Variants in KAZN observed in about 807,000 individuals in gnomAD.
The protein encoded by KAZN is kazrin.
In KAZN, 40 loss-of-function variants were observed where a neutral mutation model predicts 87.4. That is an observed-to-expected ratio of 0.46 (90% CI 0.36 to 0.60). The LOEUF is 0.60. KAZN is among the 20% of genes least tolerant of loss of function. The pLI, the probability that KAZN is intolerant of heterozygous loss-of-function variation, is 0.00. For synonymous variants in KAZN, 466 were observed against 458.3 expected (o/e 1.02, Z -0.22); for missense variants, 898 against 1,073.9 (o/e 0.84, Z 2.29).
intron 1 of KAZN, among the ~76,000 whole-genome samples, chr1:13,918,495 T>C (rs551790716): frequency 6.6e-6 from 1 of 152,386 alleles, no homozygotes; most frequent in East Asian, 1.9e-4. Context: ...CTGATGAAGA[T>C]ACTGTGAACA....
intron 1 of KAZN, among the ~76,000 whole-genome samples, chr1:14,004,724 A>G (rs1282920055): frequency 6.7e-6 from 1 of 149,254 alleles, no homozygotes; most frequent in Non-Finnish European, 1.5e-5. Context: ...TATGGTTTGA[A>G]TGTCTCCTCC....
intron 2 of KAZN, among the ~76,000 whole-genome samples, chr1:14,503,104 A>T (rs1035903944): frequency 8.6e-5 from 13 of 152,040 alleles, no homozygotes; most frequent in Admixed American, 2.0e-4. Context: ...TGGCTCCTGC[A>T]CCCACCAGCT....
At chr1:14,656,781 A>T (rs76501253) in intron 1 of KAZN, among the ~76,000 whole-genome samples, 1 of 152,334 alleles carries the variant, frequency 6.6e-6, no homozygotes, top group African/African-American at 2.4e-5. Context: ...GGGGAAATTC[A>T]TCCCCATGAT....
In KAZN at chr1:14,014,516, A is replaced by G. The variant is rs148690731; in HGVS notation, c.91+120760A>G. ...CATAGAACAAGGGTCCACAAAGAAC[A>G]AGAGTCCCTTGGGTCAAATCCAGCT... On this transcript the variant is annotated intron_variant, in intron 1 of 16. Transcript: ENST00000636203. Among the ~76,000 whole-genome samples the G allele has an allele frequency of 1.9e-3, 282 of 152,278 alleles. 1 individual carries two copies. The highest frequency in any genetic ancestry group is 3.4e-3 in the Middle Eastern group (1 of 294).
In KAZN at chr1:14,293,641, T is replaced by A. The variant is rs1653889305; in HGVS notation, c.249+113049T>A. ...CCCTCTTTCAATTTTCATGAGCATG[T>A]TAGATGTGTCCAGAAAACACCATAG... is the stretch of plus-strand genomic sequence containing the variant. On this transcript the variant is annotated intron_variant, in intron 2 of 16. Transcript: ENST00000636203. 1.3e-5 allele frequency among the ~76,000 whole-genome samples: 2 copies of A among 151,912 alleles called. 1 individual carries two copies. The highest frequency in any genetic ancestry group is 4.2e-4 in the South Asian group (2 of 4,802).
At position 14,949,915 on chromosome 1, in the gene KAZN, A is replaced by C. The variant is rs1572900816; in HGVS notation, c.227-10769A>C. Among the ~76,000 whole-genome samples, 1 of 151,946 alleles carries C rather than the reference A, an allele frequency of 6.6e-6. No individual in the cohort carries two copies. The highest frequency in any genetic ancestry group is 6.6e-5 in the Admixed American group (1 of 15,266). ...GATGGTAGAAGAGGATCCGCTTGGC[A>C]CTCAGGGCACCGAGGAGGGTCTGGC... is the stretch of plus-strand genomic sequence containing the variant. On this transcript the variant is annotated intron_variant, in intron 1 of 14. Coordinates refer to ENST00000376030, the MANE Select transcript of KAZN (RefSeq NM_201628.3). This position sits in a 1 kb window ranked among gnomAD's most constrained non-coding sequence, Gnocchi z 4.3.
intron 1 of KAZN, among the ~76,000 whole-genome samples, chr1:14,733,137 A>T (rs1289431561): frequency 2.0e-5 from 3 of 152,188 alleles, no homozygotes; most frequent in Non-Finnish European, 4.4e-5. Context: ...AAAGCGGATC[A>T]GCTCTGATTT....
intron 2 of KAZN, among the ~76,000 whole-genome samples, chr1:14,283,550 A>C (rs142566612): frequency 7.3e-4 from 111 of 152,368 alleles, no homozygotes; most frequent in Admixed American, 3.2e-3. Flanking sequence ...ATACCACTTC[A>C]CACTCACTAG....
intron 1 of KAZN, among the ~76,000 whole-genome samples, chr1:14,777,511 C>T (rs1410608430): frequency 1.3e-5 from 2 of 152,140 alleles, no homozygotes; most frequent in Non-Finnish European, 2.9e-5. Flanking sequence ...CATGCGACCC[C>T]CACAGGGCCC....
chr1:14,154,953 TCTTC>T (rs77458563), intron 1 of KAZN, among the ~76,000 whole-genome samples: 39,173 of 134,728 alleles, frequency 0.29, 6,114 homozygotes, highest in South Asian at 0.36. Flanking sequence ...TTGTAGTTTT[TCTTC>T]CTTCCTTCCT....
At chr1:14,018,591 G>T (rs185389085) in intron 1 of KAZN, among the ~76,000 whole-genome samples, 1 of 152,290 alleles carries the variant, frequency 6.6e-6, no homozygotes, top group East Asian at 1.9e-4. Context: ...AGAGGAGATT[G>T]GCATGTGAGT....
At chr1:15,093,060 T>C (rs912366035) in intron 8 of KAZN, among the ~76,000 whole-genome samples, 17 of 151,908 alleles carry the variant, frequency 1.1e-4, no homozygotes, top group African/African-American at 2.7e-4. Flanking sequence ...TTGTTTACAA[T>C]AGTGAAAAAT....
intron 1 of KAZN, among the ~76,000 whole-genome samples, chr1:13,956,372 C>G (rs924094796): frequency 3.3e-5 from 5 of 150,006 alleles, no homozygotes; most frequent in Non-Finnish European, 5.9e-5. Flanking sequence ...CCAAGTCTCT[C>G]GGTGGGCTTA....
intron 2 of KAZN, among the ~76,000 whole-genome samples, chr1:14,519,964 G>A (rs1047260313): frequency 5.9e-5 from 9 of 152,188 alleles, no homozygotes; most frequent in Admixed American, 2.0e-4. Context: ...TGCTTCCCAC[G>A]AGCCCAGGCA....
intron 1 of KAZN, among the ~76,000 whole-genome samples, chr1:14,172,866 G>C (rs1439684919): frequency 6.6e-6 from 1 of 152,208 alleles, no homozygotes; most frequent in African/African-American, 2.4e-5. Context: ...TGGTTAGAAA[G>C]CTGAGGATGG....
chr1:14,776,572 G>T (rs950231640), intron 1 of KAZN, among the ~76,000 whole-genome samples: 2 of 152,118 alleles, frequency 1.3e-5, no homozygotes, highest in Non-Finnish European at 2.9e-5. Flanking sequence ...GCCATTTATT[G>T]TGTCTCTACC....
intron 2 of KAZN, among the ~76,000 whole-genome samples, chr1:14,573,362 C>T (rs1166155010): frequency 1.3e-5 from 2 of 152,154 alleles, no homozygotes; most frequent in Non-Finnish European, 2.9e-5. Flanking sequence ...TTAGAATACA[C>T]TAAAACCCGG....
At chr1:14,050,894 A>G (rs991719611) in intron 1 of KAZN, among the ~76,000 whole-genome samples, 3 of 152,234 alleles carry the variant, frequency 2.0e-5, no homozygotes, top group Non-Finnish European at 4.4e-5. Flanking sequence ...TGGAAAATCC[A>G]TAACATGTAT....
chr1:14,848,572 G>A (rs897551934), intron 1 of KAZN, among the ~76,000 whole-genome samples: 2 of 152,226 alleles, frequency 1.3e-5, no homozygotes, highest in African/African-American at 4.8e-5. Context: ...CGTGTGGGGT[G>A]CAAGGAGCCT....
Sources: allele counts gnomAD v4.1 joint callset (sites outside exome capture counted in the v4.1 genomes callset), GRCh38; gene constraint gnomAD v4.1.1; non-coding constraint Gnocchi (gnomAD v3.1); transcripts MANE v1.5; gene names NCBI Gene and HGNC (gene_info 2026-07-23, HGNC 2026-07-21).